The following PRDM1 variants were observed in gnomAD, a reference collection of about 807,000 sequenced individuals.
PRDM1 encodes the protein PR domain zinc finger protein 1.
PRDM1 carries 13 observed loss-of-function variants against 62.8 expected under a neutral mutation model. The observed-to-expected ratio is 0.21, with a 90% CI of 0.13 to 0.33. The LOEUF (loss-of-function observed/expected upper bound fraction) is 0.33, where lower values mean the gene tolerates loss of function less well. PRDM1 is among the 10% of genes least tolerant of loss of function. The pLI is 1.00. For synonymous variants in PRDM1, 396 were observed against 417.6 expected (o/e 0.95, Z 0.63); for missense variants, 895 against 1,058.8 (o/e 0.85, Z 2.15).
intron 1 of PRDM1, among the ~76,000 whole-genome samples, chr6:106,036,449 C>T (rs1268815628): frequency 3.3e-5 from 5 of 152,052 alleles, no homozygotes; most frequent in Non-Finnish European, 7.3e-5. Flanking sequence ...TTTGTATTTG[C>T]CATGAGATCA....
intron 1 of PRDM1, among the ~76,000 whole-genome samples, chr6:106,049,067 C>T (rs1773127526): frequency 6.6e-6 from 1 of 152,114 alleles, no homozygotes; most frequent in Non-Finnish European, 1.5e-5. Context: ...CCATCCACCT[C>T]GGCCTCCCCA....
chr6:106,092,735 A>C (rs1773997900), intron 2 of PRDM1, among the ~76,000 whole-genome samples: 1 of 152,164 alleles, frequency 6.6e-6, no homozygotes, highest in South Asian at 2.1e-4. Flanking sequence ...TTCCCCCTCC[A>C]AAGTTACCTG....
intron 1 of PRDM1, among the ~76,000 whole-genome samples, chr6:106,032,423 C>T (rs919856752): frequency 6.6e-6 from 1 of 151,834 alleles, no homozygotes; most frequent in East Asian, 1.9e-4. Flanking sequence ...TCTCAGTCTC[C>T]CAAAGTACAA....
intron 1 of PRDM1, among the ~76,000 whole-genome samples, chr6:106,077,401 A>C (rs1445238605): frequency 6.6e-6 from 1 of 152,190 alleles, no homozygotes; most frequent in Admixed American, 6.5e-5. Context: ...GAGCATGAGC[A>C]AAAAAGTGGT....
intron 1 of PRDM1, among the ~76,000 whole-genome samples, chr6:106,042,268 C>T (rs1773007520): frequency 6.6e-6 from 1 of 151,436 alleles, no homozygotes; most frequent in Admixed American, 6.6e-5. Context: ...TGCCTGTAAT[C>T]CCAGCACTTT....
At chr6:106,047,070 C>A (rs926235688), upstream of PRDM1, among the ~76,000 whole-genome samples, 5 of 152,206 alleles carry the variant, frequency 3.3e-5, no homozygotes, top group African/African-American at 1.2e-4. Context: ...TTTATATGAT[C>A]TTTCCTTGCT....
chr6:106,048,924 G>A (rs1052390550), intron 1 of PRDM1, among the ~76,000 whole-genome samples: 1 of 151,938 alleles, frequency 6.6e-6, no homozygotes, highest in African/African-American at 2.4e-5. Context: ...TGCCTCCTGG[G>A]TTCCAGCAAT....
intron 2 of PRDM1, among the ~76,000 whole-genome samples, chr6:106,089,524 A>C (rs2114620373): frequency 6.6e-6 from 1 of 152,268 alleles, no homozygotes; most frequent in East Asian, 1.9e-4. Context: ...GTCTGAGTCC[A>C]GTGTTTTTGG....
chr6:106,016,993 G>A (rs894181466), intron 1 of PRDM1, among the ~76,000 whole-genome samples: 63 of 152,116 alleles, frequency 4.1e-4, no homozygotes, highest in African/African-American at 1.5e-3. Flanking sequence ...ATTTTTTGGA[G>A]ATTTGCAATA....
chr6:106,044,082 A>G (rs1267581090), upstream of PRDM1, among the ~76,000 whole-genome samples: 1 of 151,956 alleles, frequency 6.6e-6, no homozygotes, highest in African/African-American at 2.4e-5. Flanking sequence ...ATCTCAATCT[A>G]TATTGTTAAA....
intron 1 of PRDM1, among the ~76,000 whole-genome samples, chr6:106,071,600 T>C (rs1206242044): frequency 6.6e-6 from 1 of 152,192 alleles, no homozygotes; most frequent in Non-Finnish European, 1.5e-5. Flanking sequence ...GGGCACAATT[T>C]GTGTGGCCAC....
intron 2 of PRDM1, among the ~76,000 whole-genome samples, chr6:106,091,448 CCTT>C (rs1773956417): frequency 6.6e-6 from 1 of 152,160 alleles, no homozygotes; most frequent in South Asian, 2.1e-4. Context: ...AAGAAGGAAA[CCTT>C]CTCCAAACAA....
chr6:106,016,052 A>G (rs1195190592), intron 1 of PRDM1, among the ~76,000 whole-genome samples: 2 of 152,174 alleles, frequency 1.3e-5, no homozygotes, highest in African/African-American at 2.4e-5. Flanking sequence ...GCTCATATAT[A>G]TATGTAAAAT....
At chr6:106,053,226 TCTA>T (rs1773207413) in intron 1 of PRDM1, among the ~76,000 whole-genome samples, 1 of 152,212 alleles carries the variant, frequency 6.6e-6, no homozygotes, top group Non-Finnish European at 1.5e-5. Context: ...CCTCTTCTTC[TCTA>T]CTATCTCCCT....
At chr6:106,087,792 T>C (rs1236153154) in intron 1 of PRDM1, 1 of 234,994 alleles carries the variant, frequency 4.3e-6, no homozygotes, top group Non-Finnish European at 8.4e-6. Context: ...TTCCTCTCCT[T>C]GTTTGTGACA....
At chr6:106,055,644 AAG>A (rs1773252931) in intron 1 of PRDM1, among the ~76,000 whole-genome samples, 1 of 152,182 alleles carries the variant, frequency 6.6e-6, no homozygotes, top group African/African-American at 2.4e-5. Flanking sequence ...TGAGTGTTGC[AAG>A]AGTTTGCTAA....
chr6:106,038,506 TGAA>T (rs1772952543), intron 1 of PRDM1, among the ~76,000 whole-genome samples: 1 of 152,088 alleles, frequency 6.6e-6, no homozygotes, highest in African/African-American at 2.4e-5. Flanking sequence ...AGGAGAAAAA[TGAA>T]GAAGAAAAGG....
At position 106,018,296 on chromosome 6, in the gene PRDM1, AT is replaced by A. The variant is rs531261855; in HGVS notation, c.-67+24663del. On this transcript the variant is annotated intron_variant, in intron 1 of 6. Transcript: ENST00000652320. ...TTTATAGTGTGTTAAGTAGACCATA[AT>A]TTTTTAGAACAGCTTAGATTTACAG... 1.8e-3 allele frequency among the ~76,000 whole-genome samples: 274 copies of A among 152,340 alleles called. 2 individuals are homozygous for A. The highest frequency in any genetic ancestry group is 6.4e-3 in the African/African-American group (265 of 41,570).
chr6:106,076,162 G>C (rs1173975264), intron 1 of PRDM1, among the ~76,000 whole-genome samples: 2 of 151,968 alleles, frequency 1.3e-5, no homozygotes, highest in Non-Finnish European at 2.9e-5. Context: ...TGTTGCCCAG[G>C]CTGGTCTCAA....
Sources: allele counts gnomAD v4.1 joint callset (sites outside exome capture counted in the v4.1 genomes callset), GRCh38; gene constraint gnomAD v4.1.1; transcripts MANE v1.5; gene names NCBI Gene and HGNC (gene_info 2026-07-23, HGNC 2026-07-21).